The following KIAA1217 variants were observed in gnomAD, a reference collection of about 807,000 sequenced individuals.
KIAA1217 encodes KIAA1217.
Under a neutral mutation model 163.9 loss-of-function variants are expected in KIAA1217, and 88 were observed. The observed-to-expected ratio is 0.54, with a 90% CI of 0.45 to 0.64. The LOEUF is 0.64. Among genes scored for constraint, KIAA1217 ranks in the 30% least tolerant of loss-of-function variants. KIAA1217 has a pLI of 0.00. For missense variants in KIAA1217, 2,372 were observed against 2,475.0 expected, an observed-to-expected ratio of 0.96 and a Z score of 0.88; for synonymous variants, 903 against 923.1, an observed-to-expected ratio of 0.98 and a Z score of 0.39.
At chr10:24,152,607 A>G (rs1039158606) in intron 2 of KIAA1217, among the ~76,000 whole-genome samples, 4 of 152,128 alleles carry the variant, frequency 2.6e-5, no homozygotes, top group African/African-American at 9.7e-5. Flanking sequence ...AGATTTCTAA[A>G]TCTCCCTCTA....
At chr10:23,753,005 T>C (rs937146194) in intron 1 of KIAA1217, among the ~76,000 whole-genome samples, 2 of 152,166 alleles carry the variant, frequency 1.3e-5, no homozygotes, top group Non-Finnish European at 2.9e-5. Flanking sequence ...AAATAACAGT[T>C]GGTGGATTTG....
intron 1 of KIAA1217, among the ~76,000 whole-genome samples, chr10:23,769,532 A>G (rs1010855489): frequency 2.6e-5 from 4 of 152,214 alleles, no homozygotes; most frequent in Non-Finnish European, 4.4e-5. Context: ...TGTTTTGGGA[A>G]AGGGCTGTTA....
At chr10:23,910,247 T>G (rs945298689) in intron 1 of KIAA1217, among the ~76,000 whole-genome samples, 1 of 151,238 alleles carries the variant, frequency 6.6e-6, no homozygotes, top group Admixed American at 6.6e-5. Flanking sequence ...TGTATACCTA[T>G]GTAAAAAAAC....
intron 1 of KIAA1217, among the ~76,000 whole-genome samples, chr10:23,756,834 AT>A (rs1304212672): frequency 1.3e-5 from 2 of 152,348 alleles, no homozygotes; most frequent in East Asian, 1.9e-4. Flanking sequence ...GTGCATTCAT[AT>A]TGTTTGGTGA....
chr10:24,343,509 A>G (rs770999668), intron 2 of KIAA1217, among the ~76,000 whole-genome samples: 13 of 152,206 alleles, frequency 8.5e-5, no homozygotes, highest in Non-Finnish European at 1.8e-4. Context: ...TAAGGAATTA[A>G]CTTTCACACT....
intron 3 of KIAA1217, among the ~76,000 whole-genome samples, chr10:24,409,505 G>A (rs951379500): frequency 3.3e-5 from 5 of 152,172 alleles, no homozygotes; most frequent in Admixed American, 1.3e-4. Flanking sequence ...GATGCAGATA[G>A]TCATTATCTT....
chr10:24,494,677 A>T, intron 7 of KIAA1217, 73 bp downstream of exon 7: 3 of 1,027,868 alleles, frequency 2.9e-6, no homozygotes, highest in Non-Finnish European at 4.4e-6. Flanking sequence ...TAATTCATTC[A>T]TTCAAATCTG....
At chr10:23,882,453 T>A (rs1396296040) in intron 1 of KIAA1217, among the ~76,000 whole-genome samples, 1 of 151,904 alleles carries the variant, frequency 6.6e-6, no homozygotes, top group African/African-American at 2.4e-5. Context: ...GAGGCTAATA[T>A]GTGTACAGAA....
At chr10:23,927,405 C>G (rs1017746061) in intron 1 of KIAA1217, among the ~76,000 whole-genome samples, 2 of 151,596 alleles carry the variant, frequency 1.3e-5, no homozygotes, top group Non-Finnish European at 2.9e-5. Flanking sequence ...TGCATTACCA[C>G]TGATCATTAT....
chr10:24,100,598 T>C (rs2062374952), intron 2 of KIAA1217, among the ~76,000 whole-genome samples: 2 of 152,208 alleles, frequency 1.3e-5, no homozygotes, highest in Admixed American at 6.5e-5. Flanking sequence ...AAAGTGAATG[T>C]TGCTTTTAGC....
intron 2 of KIAA1217, among the ~76,000 whole-genome samples, chr10:24,330,437 A>T (rs2045524103): frequency 1.3e-5 from 2 of 152,154 alleles, no homozygotes; most frequent in African/African-American, 4.8e-5. Context: ...TAAGTTTTGG[A>T]AGTAAAATTT....
At chr10:23,866,750 C>T (rs1046001660) in intron 1 of KIAA1217, among the ~76,000 whole-genome samples, 17 of 152,088 alleles carry the variant, frequency 1.1e-4, no homozygotes, top group African/African-American at 3.1e-4. Context: ...ACCCAGAAGC[C>T]CTCATGTCAC....
At chr10:24,313,341 C>A (rs772447150) in intron 2 of KIAA1217, among the ~76,000 whole-genome samples, 19 of 152,146 alleles carry the variant, frequency 1.2e-4, no homozygotes, top group Non-Finnish European at 2.6e-4. Context: ...ACTGACGTGA[C>A]AAAGTGCTCT....
chr10:24,396,726 A>G (rs755065273), intron 3 of KIAA1217, among the ~76,000 whole-genome samples: 3 of 152,316 alleles, frequency 2.0e-5, no homozygotes, highest in African/African-American at 2.4e-5. Flanking sequence ...CATTCAAGGA[A>G]CAGCAAAAAG....
chr10:24,353,230 C>T (rs111904574), intron 2 of KIAA1217, among the ~76,000 whole-genome samples: 31 of 152,166 alleles, frequency 2.0e-4, no homozygotes, highest in Non-Finnish European at 4.4e-4. Context: ...ACAGTGTCAC[C>T]TTAATATCCA....
chr10:24,410,273 G>A (rs567803284), intron 3 of KIAA1217, among the ~76,000 whole-genome samples: 2 of 152,118 alleles, frequency 1.3e-5, no homozygotes, highest in Non-Finnish European at 2.9e-5. Flanking sequence ...TGGGATTACA[G>A]GTGTGAGTCA....
intron 2 of KIAA1217, among the ~76,000 whole-genome samples, chr10:24,147,862 A>AAAAAAG (rs1564755588): frequency 7.0e-6 from 1 of 143,530 alleles, no homozygotes; most frequent in Non-Finnish European, 1.5e-5. Flanking sequence ...AAAAAAAAAA[A>AAAAAAG]GAAAGAAAGA....
intron 14 of KIAA1217, among the ~76,000 whole-genome samples, chr10:24,528,676 T>C (rs1394646088): frequency 6.6e-6 from 1 of 152,192 alleles, no homozygotes; most frequent in Non-Finnish European, 1.5e-5. Context: ...AGTTCTGTGT[T>C]AGGATTCTAG....
intron 2 of KIAA1217, among the ~76,000 whole-genome samples, chr10:24,245,616 T>G (rs777548606): frequency 6.6e-6 from 1 of 151,984 alleles, no homozygotes; most frequent in African/African-American, 2.4e-5. Context: ...GATCTCATTT[T>G]CTCCCCTTCC....
Sources: allele counts gnomAD v4.1 joint callset (sites outside exome capture counted in the v4.1 genomes callset), GRCh38; gene constraint gnomAD v4.1.1; transcripts MANE v1.5; gene names NCBI Gene and HGNC (gene_info 2026-07-23, HGNC 2026-07-21).